The following CCNI variants were observed in gnomAD, a reference collection of about 807,000 sequenced individuals.
The protein encoded by CCNI is cyclin I.
In CCNI, 14 loss-of-function variants were observed where a neutral mutation model predicts 34.1. The ratio of observed to expected loss-of-function variants is 0.41; its 90% CI spans 0.27 to 0.64. CCNI has a LOEUF of 0.64. CCNI is among the 30% of genes least tolerant of loss of function. CCNI has a pLI of 0.31. For missense variants in CCNI, 385 were observed against 440.5 expected, an observed-to-expected ratio of 0.87 and a Z score of 1.13; for synonymous variants, 154 against 158.4, an observed-to-expected ratio of 0.97 and a Z score of 0.21.
chr4:77,048,418 G>A lies in CCNI; in HGVS notation c.935C>T (p.Ala312Val), dbSNP rs1382296531. 6 of 1,613,998 alleles carry A rather than the reference G, an allele frequency of 3.7e-6. No homozygotes were observed. In the Admixed American group the frequency reaches 8.3e-5, roughly 22 times the overall value. ...AGAGGTCTGCTTGCACCCACTGGCA[G>A]CTGGGAGATGATGGTAAAAGGCTGC... ...GTAAFYHHLP[A>V]ASGCKQTSTK... The change falls in exon 7 of 7, where the codon GCT (alanine) becomes GTT (valine). Residue 312 changes from alanine (A) to valine (V), a missense_variant. Transcript: ENST00000237654.
At chr4:77,066,655 T>C (rs1729057039) in intron 1 of CCNI, among the ~76,000 whole-genome samples, 1 of 152,198 alleles carries the variant, frequency 6.6e-6, no homozygotes, top group South Asian at 2.1e-4. Flanking sequence ...TGGACTCTGA[T>C]CAAAACATGT....
chr4:77,061,883 A>G (rs942265144), intron 2 of CCNI, among the ~76,000 whole-genome samples: 5 of 151,954 alleles, frequency 3.3e-5, no homozygotes, highest in Admixed American at 3.3e-4. Flanking sequence ...GTTAGCCAGG[A>G]TAGTCTCGAT....
intron 6 of CCNI, among the ~76,000 whole-genome samples, chr4:77,052,839 GA>G (rs1190761365): frequency 6.6e-6 from 1 of 152,162 alleles, no homozygotes; most frequent in Admixed American, 6.5e-5. Context: ...GAGTCCTAAA[GA>G]ACTAGGAGCC....
intron 1 of CCNI, among the ~76,000 whole-genome samples, chr4:77,068,065 T>C (rs1392863412): frequency 6.6e-6 from 1 of 151,752 alleles, no homozygotes; most frequent in East Asian, 1.9e-4. Context: ...GTAATCCCAG[T>C]TACTTGGAAG....
At chr4:77,067,045 A>C (rs1351811097) in intron 1 of CCNI, among the ~76,000 whole-genome samples, 2 of 152,162 alleles carry the variant, frequency 1.3e-5, no homozygotes, top group Non-Finnish European at 2.9e-5. Context: ...CAGCCTGGCC[A>C]ACATGGTGAA....
Position 77,056,083 on chromosome 4 carries a change from A to AC in CCNI, c.337dup (p.Val113GlyfsTer14). 1 of 1,613,652 alleles carries AC rather than the reference A, an allele frequency of 6.2e-7. No individual in the cohort carries two copies. The highest frequency in any genetic ancestry group is 2.2e-5 in the East Asian group (1 of 44,834). On this transcript the variant is annotated frameshift_variant, in exon 5 of 7. Coordinates refer to ENST00000237654, the MANE Select transcript of CCNI (RefSeq NM_006835.3). LOFTEE classifies it high-confidence loss of function. ...TCCACAGAAACTGTCTCTTGCCAAT[A>AC]CCTTTAGTACTGGAATTCTCTATCC...
At chr4:77,057,035 TAATA>T (rs1430056022) in intron 3 of CCNI, among the ~76,000 whole-genome samples, 2 of 152,224 alleles carry the variant, frequency 1.3e-5, no homozygotes, top group African/African-American at 4.8e-5. Flanking sequence ...TAGAAGTTTT[TAATA>T]AATAATATTC....
intron 6 of CCNI, among the ~76,000 whole-genome samples, chr4:77,048,898 G>A (rs1294322961): frequency 7.3e-6 from 1 of 137,812 alleles, no homozygotes; most frequent in South Asian, 2.3e-4. Context: ...CTTGAGTTTT[G>A]TATTTGCAAT....
chr4:77,069,436 T>C (rs1162493955), intron 1 of CCNI, among the ~76,000 whole-genome samples: 1 of 144,006 alleles, frequency 6.9e-6, no homozygotes, highest in Non-Finnish European at 1.5e-5. Context: ...TTTTTATATA[T>C]ATATATTTTT....
At chr4:77,073,976 G>C (rs1729689958) in intron 1 of CCNI, among the ~76,000 whole-genome samples, 1 of 150,952 alleles carries the variant, frequency 6.6e-6, no homozygotes, top group Non-Finnish European at 1.5e-5. Flanking sequence ...CCCACAATTT[G>C]ATGAAACTGT....
chr4:77,058,504 T>C lies in CCNI; in HGVS notation c.243+3A>G. On this transcript the variant is annotated splice_donor_region_variant and intron_variant, in intron 3 of 6. Transcript: ENST00000237654. ...ATATGTAAGTCTATCTTAAAACACT[T>C]ACCTTTACGGTAGCTAAAAACCTAT... is the stretch of plus-strand genomic sequence containing the variant. The C allele has an allele frequency of 6.2e-7, 1 of 1,611,172 alleles. No homozygotes were observed. Among genetic ancestry groups the C allele is most frequent in the Non-Finnish European group, 8.5e-7 (1 of 1,178,650 alleles).
chr4:77,053,884 C>A (rs1728037624), intron 6 of CCNI, among the ~76,000 whole-genome samples: 1 of 152,004 alleles, frequency 6.6e-6, no homozygotes, highest in Non-Finnish European at 1.5e-5. Context: ...TTCTAAGTAG[C>A]AACTACCTCC....
intron 2 of CCNI, among the ~76,000 whole-genome samples, chr4:77,061,668 G>C (rs143254044): frequency 1.3e-5 from 2 of 151,792 alleles, no homozygotes; most frequent in East Asian, 3.9e-4. Flanking sequence ...CTTTGTTGTT[G>C]TTGTTTTTGT....
At chr4:77,074,860 C>G (rs1729777832) in intron 1 of CCNI, 1 of 152,128 alleles carries the variant, frequency 6.6e-6, no homozygotes. Flanking sequence ...TAACGGAGCC[C>G]CCTAGCTCCA....
rs549334460 is a variant in CCNI, at chr4:77,049,672, ACT to A, written c.691-1012_691-1011del. 5.5e-5 allele frequency among the ~76,000 whole-genome samples: 8 copies of A among 144,592 alleles called. No individual in the cohort carries two copies. In the South Asian group the frequency reaches 1.1e-3, roughly 20 times the overall value. 94.9% of individuals were successfully genotyped at this position (144,592 alleles called of 152,430 possible). A position where few individuals can be genotyped will look rare whatever the true frequency, so the allele number is the denominator to read the frequency against. ...CAGCCAGGCCAACAGACAGAGCAAG[ACT>A]CTGTCTTAAAAAAAAAAAAAAAAGA... is the stretch of plus-strand genomic sequence containing the variant. On this transcript the variant is annotated intron_variant, in intron 6 of 6. Coordinates refer to ENST00000237654, the MANE Select transcript of CCNI (RefSeq NM_006835.3).
chr4:77,065,009 C>T (rs1027002431), intron 2 of CCNI: 1 of 152,124 alleles, frequency 6.6e-6, no homozygotes, highest in Non-Finnish European at 1.5e-5. Context: ...TTATTAAAGT[C>T]TTGAGCAAAT....
chr4:77,070,508 C>G (rs1729380761), intron 1 of CCNI, among the ~76,000 whole-genome samples: 1 of 131,498 alleles, frequency 7.6e-6, no homozygotes, highest in African/African-American at 2.8e-5. Context: ...CATCCTTGTT[C>G]ACAACTTTAA....
At chr4:77,062,936 T>C (rs1728713248) in intron 2 of CCNI, among the ~76,000 whole-genome samples, 1 of 152,176 alleles carries the variant, frequency 6.6e-6, no homozygotes, top group African/African-American at 2.4e-5. Flanking sequence ...CATAAAGAAA[T>C]GATAATCACC....
intron 6 of CCNI, among the ~76,000 whole-genome samples, chr4:77,049,215 G>A (rs967087671): frequency 1.3e-5 from 2 of 152,000 alleles, no homozygotes; most frequent in South Asian, 2.1e-4. Context: ...AGTAGACTTA[G>A]CACTAAGATG....
Sources: allele counts gnomAD v4.1 joint callset (sites outside exome capture counted in the v4.1 genomes callset), GRCh38; gene constraint gnomAD v4.1.1; transcripts MANE v1.5; gene names NCBI Gene and HGNC (gene_info 2026-07-23, HGNC 2026-07-21).